Variants in TENM1 observed in about 807,000 individuals in gnomAD.
TENM1 encodes the protein teneurin-1.
Under a neutral mutation model 174.8 loss-of-function variants are expected in TENM1, and 35 were observed. The observed-to-expected ratio is 0.20, with a 90% CI of 0.15 to 0.27. The LOEUF (loss-of-function observed/expected upper bound fraction) is 0.27. TENM1 is among the 10% of genes least tolerant of loss of function. The probability of loss-of-function intolerance (pLI) is 1.00; values close to 1 mark genes in which losing one functional copy is unlikely to be tolerated. For synonymous variants in TENM1, 781 were observed against 798.7 expected (o/e 0.98, Z 0.37); for missense variants, 1,633 against 2,130.1 (o/e 0.77, Z 4.59).
chrX:124,738,829 T>C (rs1321521779), intron 3 of TENM1, among the ~76,000 whole-genome samples: 1 of 112,106 alleles, frequency 8.9e-6, no homozygotes, highest in African/African-American at 3.2e-5. Flanking sequence ...GCTCTCATTT[T>C]GCAAATGAGA....
At chrX:124,597,168 C>A (rs921182340) in intron 11 of TENM1, among the ~76,000 whole-genome samples, 2 of 111,441 alleles carry the variant, frequency 1.8e-5, no homozygotes, top group African/African-American at 6.5e-5. Flanking sequence ...AATCCCACTC[C>A]TGGATATCTA....
intron 13 of TENM1, among the ~76,000 whole-genome samples, chrX:124,562,837 G>A (rs1036724955): frequency 1.8e-5 from 2 of 111,810 alleles, no homozygotes; most frequent in African/African-American, 6.5e-5. Context: ...TATTCATTTC[G>A]GTTTCTTTCT....
intron 27 of TENM1, among the ~76,000 whole-genome samples, chrX:124,400,954 A>C (rs2060392797): frequency 8.9e-6 from 1 of 111,877 alleles, no homozygotes; most frequent in Non-Finnish European, 1.9e-5. Context: ...GTTGGAGGGA[A>C]ATGGATTTTT....
intron 14 of TENM1, among the ~76,000 whole-genome samples, chrX:124,547,325 C>A (rs1181568020): frequency 1.8e-5 from 2 of 111,788 alleles, no homozygotes; most frequent in Admixed American, 1.9e-4. Context: ...CCTGAATTAT[C>A]CAGCATTTAT....
At chrX:124,425,906 T>C (rs1033216076) in intron 23 of TENM1, among the ~76,000 whole-genome samples, 1 of 110,820 alleles carries the variant, frequency 9.0e-6, no homozygotes, top group Non-Finnish European at 1.9e-5. Flanking sequence ...AAGTTAGGGA[T>C]TATGGTGCCT....
the TENM1 span, among the ~76,000 whole-genome samples, chrX:125,186,132 T>C: frequency 1.8e-5 from 2 of 111,402 alleles, no homozygotes; most frequent in Non-Finnish European, 3.8e-5. Flanking sequence ...TAGTCCTAAT[T>C]TCTTACATTA....
chrX:125,175,576 A>G, the TENM1 span, among the ~76,000 whole-genome samples: 3 of 111,613 alleles, frequency 2.7e-5, no homozygotes, highest in East Asian at 5.6e-4. Flanking sequence ...TTTGATTTCT[A>G]TAACAAATTT....
chrX:124,911,900 G>C (rs1333923541), intron 1 of TENM1, among the ~76,000 whole-genome samples: 1 of 111,725 alleles, frequency 9.0e-6, no homozygotes, highest in African/African-American at 3.3e-5. Context: ...AAATTCGCTA[G>C]CTGTGAGTTT....
intron 11 of TENM1, among the ~76,000 whole-genome samples, chrX:124,625,240 T>C (rs1032240752): frequency 9.0e-6 from 1 of 111,497 alleles, no homozygotes; most frequent in Non-Finnish European, 1.9e-5. Context: ...AAAAGGATTA[T>C]ATAGAAGATA....
At chrX:124,786,791 T>G (rs941752821) in intron 3 of TENM1, among the ~76,000 whole-genome samples, 3 of 111,373 alleles carry the variant, frequency 2.7e-5, no homozygotes, top group African/African-American at 9.8e-5. Context: ...AATTTCTGAA[T>G]GCTTACCCTT....
the TENM1 span, among the ~76,000 whole-genome samples, chrX:124,969,678 G>T: frequency 9.0e-6 from 1 of 111,721 alleles, no homozygotes; most frequent in Non-Finnish European, 1.9e-5. Context: ...TTCTTGCCAA[G>T]ATCACACATG....
At chrX:124,772,710 T>TC (rs1440243841) in intron 3 of TENM1, among the ~76,000 whole-genome samples, 5 of 111,759 alleles carry the variant, frequency 4.5e-5, no homozygotes, top group African/African-American at 6.5e-5. Flanking sequence ...AAAGAAGATT[T>TC]TCATTAAAAA....
chrX:124,577,248 A>G (rs185153930), intron 11 of TENM1, among the ~76,000 whole-genome samples: 2 of 111,450 alleles, frequency 1.8e-5, no homozygotes, highest in Admixed American at 1.9e-4. Flanking sequence ...GGTGTGTTCA[A>G]GGCATTACAA....
At chrX:124,765,637 T>C (rs1405241777) in intron 3 of TENM1, among the ~76,000 whole-genome samples, 1 of 112,547 alleles carries the variant, frequency 8.9e-6, no homozygotes, top group Non-Finnish European at 1.9e-5. Context: ...GATTTCTTCC[T>C]ATTAGTGTTC....
At chrX:125,079,250 G>A in the TENM1 span, among the ~76,000 whole-genome samples, 1 of 111,508 alleles carries the variant, frequency 9.0e-6, no homozygotes, top group African/African-American at 3.3e-5. Flanking sequence ...TAAAGAGAGT[G>A]GATCATGGTG....
chrX:125,184,462 A>G, the TENM1 span, among the ~76,000 whole-genome samples: 35 of 111,672 alleles, frequency 3.1e-4, no homozygotes, highest in Non-Finnish European at 5.1e-4. Flanking sequence ...CTTTTTGGCA[A>G]TAGTATTCCC....
At chrX:125,117,675 A>C in the TENM1 span, among the ~76,000 whole-genome samples, 1 of 111,077 alleles carries the variant, frequency 9.0e-6, no homozygotes, top group Non-Finnish European at 1.9e-5. Context: ...CGTTCTGTAC[A>C]TGTATCCCAG....
intron 24 of TENM1, among the ~76,000 whole-genome samples, chrX:124,421,938 A>G (rs1047227270): frequency 4.5e-5 from 5 of 112,208 alleles, no homozygotes; most frequent in African/African-American, 1.6e-4. Context: ...TTTCATTTGT[A>G]TAGTGGTCTC....
In TENM1 at chrX:124,963,536, C is replaced by T; in HGVS notation, c.217+1G>A. ...GTTATAAAGATCCAATAAAAACATA[C>T]CTTGAGTAGATTTTTCTACTTCTTT... On this transcript the variant is annotated splice_donor_variant, in intron 1 of 31. Coordinates refer to ENST00000422452, the Ensembl canonical transcript of TENM1. LOFTEE classifies it high-confidence loss of function. 8.4e-7 allele frequency: 1 copy of T among 1,190,143 alleles called. No individual in the cohort carries two copies. The highest frequency in any genetic ancestry group is 1.1e-6 in the Non-Finnish European group (1 of 876,746).
Sources: allele counts gnomAD v4.1 joint callset (sites outside exome capture counted in the v4.1 genomes callset), GRCh38; gene constraint gnomAD v4.1.1; transcripts MANE v1.5; gene names NCBI Gene and HGNC (gene_info 2026-07-23, HGNC 2026-07-21).